CCDC171: variants seen among roughly 807,000 people sequenced by gnomAD.
CCDC171 encodes coiled-coil domain-containing protein 171.
In CCDC171, 177 loss-of-function variants were observed where a neutral mutation model predicts 168.2. The ratio of observed to expected loss-of-function variants is 1.05; its 90% confidence interval spans 0.93 to 1.19. The LOEUF (loss-of-function observed/expected upper bound fraction) is 1.19. Among genes scored for constraint, CCDC171 ranks in the 50% most tolerant of loss-of-function variants. The pLI is 0.00. For synonymous variants in CCDC171, 687 were observed against 540.8 expected (o/e 1.27, Z -3.75); for missense variants, 1,991 against 1,539.0 (o/e 1.29, Z -4.91).
chr9:15,634,134 C>T (rs924703228), intron 7 of CCDC171, among the ~76,000 whole-genome samples: 3 of 151,878 alleles, frequency 2.0e-5, no homozygotes, highest in Non-Finnish European at 4.4e-5. Context: ...ATGTAACTAA[C>T]CTGCATATTG....
chr9:15,623,471 G>GCGCGCGCGCA, intron 7 of CCDC171, 58 bp downstream of exon 7: 1 of 505,242 alleles, frequency 2.0e-6, no homozygotes. Context: ...ATATGCGCGC[G>GCGCGCGCGCA]CGCGCACACA....
chr9:15,686,803 T>A (rs2050426345), intron 10 of CCDC171, among the ~76,000 whole-genome samples: 1 of 152,122 alleles, frequency 6.6e-6, no homozygotes. Context: ...TAGACAACAA[T>A]AATATTTCGG....
At chr9:15,916,803 A>T (rs1824589528) in intron 24 of CCDC171, among the ~76,000 whole-genome samples, 1 of 152,026 alleles carries the variant, frequency 6.6e-6, no homozygotes. Context: ...AATTATAAAC[A>T]CTATAGATTA....
the CCDC171 span, among the ~76,000 whole-genome samples, chr9:16,094,961 G>C: frequency 6.6e-6 from 1 of 152,220 alleles, no homozygotes; most frequent in East Asian, 1.9e-4. Context: ...CATGAGATCT[G>C]GTTGTTTAAG....
chr9:15,571,891 A>G (rs891094052), intron 3 of CCDC171, 132 bp downstream of exon 3: 3 of 717,152 alleles, frequency 4.2e-6, no homozygotes. Flanking sequence ...ATTGTAATAA[A>G]GGAAACATAA....
intron 6 of CCDC171, among the ~76,000 whole-genome samples, chr9:15,614,241 A>G (rs2043921360): frequency 6.6e-6 from 1 of 152,134 alleles, no homozygotes; most frequent in African/African-American, 2.4e-5. Flanking sequence ...AAGGCTATAT[A>G]TGTGCCTGGT....
intron 21 of CCDC171, among the ~76,000 whole-genome samples, chr9:15,825,404 C>G (rs1190354857): frequency 6.6e-6 from 1 of 152,124 alleles, no homozygotes; most frequent in Non-Finnish European, 1.5e-5. Context: ...AATGTAACCA[C>G]TATAAAGTGG....
At chr9:15,909,303 T>G (rs778534400) in intron 24 of CCDC171, among the ~76,000 whole-genome samples, 12 of 152,146 alleles carry the variant, frequency 7.9e-5, no homozygotes, top group Non-Finnish European at 1.5e-4. Flanking sequence ...AAAATTTTGT[T>G]TGTGATCCTT....
At chr9:15,906,853 A>G (rs1206605503) in intron 24 of CCDC171, among the ~76,000 whole-genome samples, 9 of 152,110 alleles carry the variant, frequency 5.9e-5, no homozygotes, top group Non-Finnish European at 1.3e-4. Context: ...ATGTGCAAAA[A>G]TCACAAGCAT....
At chr9:15,646,928 C>A (rs2047086730) in intron 7 of CCDC171, among the ~76,000 whole-genome samples, 2 of 152,274 alleles carry the variant, frequency 1.3e-5, no homozygotes, top group South Asian at 2.1e-4. Flanking sequence ...AACTCTCCAC[C>A]CCAAATCAAC....
intron 23 of CCDC171, among the ~76,000 whole-genome samples, chr9:15,869,874 G>A (rs1212000537): frequency 1.3e-5 from 2 of 151,814 alleles, no homozygotes; most frequent in Non-Finnish European, 2.9e-5. Context: ...GAAATTGTTT[G>A]TAGATTCTCT....
chr9:15,637,318 C>A lies in CCDC171; in HGVS notation c.822+13905C>A, dbSNP rs150826170. 6.1e-3 allele frequency among the ~76,000 whole-genome samples: 922 copies of A among 152,076 alleles called. 11 individuals are homozygous for A. Among genetic ancestry groups the A allele is most frequent in the African/African-American group, 0.021 (889 of 41,502 alleles). Reference sequence around the variant, plus strand: ...AAAAAAGAAAATATCTAAACCTAAACTTTAAGGTGTGGTTGTGCACAACCC... The same window carrying A: ...AAAAAAGAAAATATCTAAACCTAAAATTTAAGGTGTGGTTGTGCACAACCC... On this transcript the variant is annotated intron_variant, in intron 7 of 25. Transcript: ENST00000380701.
chr9:15,769,252 T>A (rs899640889), intron 18 of CCDC171, among the ~76,000 whole-genome samples: 3 of 152,228 alleles, frequency 2.0e-5, no homozygotes, highest in African/African-American at 7.2e-5. Context: ...ATTCTCTGAC[T>A]GAAGTAGTCC....
In CCDC171 at chr9:15,973,888, C is replaced by T. The variant is rs1030106125; in HGVS notation, c.*2052C>T. ...GTCTAAGTGTTTGTGTGTGTGTATGCTTGTGTTGAATCTGTTTTCAGATCC... is the reference window on the plus strand; with the variant it reads ...GTCTAAGTGTTTGTGTGTGTGTATGTTTGTGTTGAATCTGTTTTCAGATCC... On this transcript the variant is annotated 3_prime_UTR_variant, in exon 26 of 26. Transcript: ENST00000380701. The T allele has an allele frequency of 4.6e-5, 7 of 152,076 alleles. No homozygotes were observed. Among genetic ancestry groups the T allele is most frequent in the African/African-American group, 1.7e-4 (7 of 41,406 alleles). 9.4% of individuals were successfully genotyped at this position (152,076 alleles called of 1,614,324 possible).
At chr9:15,882,641 C>T (rs1004189167) in intron 24 of CCDC171, among the ~76,000 whole-genome samples, 2 of 152,030 alleles carry the variant, frequency 1.3e-5, no homozygotes, top group Admixed American at 6.6e-5. Flanking sequence ...ATTTAAACGT[C>T]GGTTATAGTC....
At chr9:16,037,479 T>C (rs367959599) in intron 8 of CCDC171, among the ~76,000 whole-genome samples, 1 of 152,164 alleles carries the variant, frequency 6.6e-6, no homozygotes, top group Non-Finnish European at 1.5e-5. Flanking sequence ...TGGTTTCCCA[T>C]GAGAGAGAAC....
At chr9:15,985,337 G>A (rs913894009) in intron 3 of CCDC171, among the ~76,000 whole-genome samples, 5 of 152,110 alleles carry the variant, frequency 3.3e-5, no homozygotes, top group Non-Finnish European at 7.4e-5. Flanking sequence ...TGAACACACT[G>A]ATCCTTTAGT....
intron 25 of CCDC171, among the ~76,000 whole-genome samples, chr9:15,958,251 G>C (rs1410321679): frequency 6.6e-6 from 1 of 152,070 alleles, no homozygotes; most frequent in Non-Finnish European, 1.5e-5. Flanking sequence ...TGGCTTCAAG[G>C]AGTGAACACT....
At chr9:15,587,248 C>G (rs2041637488) in intron 4 of CCDC171, among the ~76,000 whole-genome samples, 1 of 152,200 alleles carries the variant, frequency 6.6e-6, no homozygotes, top group Non-Finnish European at 1.5e-5. Context: ...CCTCCCAAAT[C>G]TCATCTTGTA....
Sources: allele counts gnomAD v4.1 joint callset (sites outside exome capture counted in the v4.1 genomes callset), GRCh38; gene constraint gnomAD v4.1.1; transcripts MANE v1.5; gene names NCBI Gene and HGNC (gene_info 2026-07-23, HGNC 2026-07-21).